PARP8: variants seen among roughly 807,000 people sequenced by gnomAD.
The protein encoded by PARP8 is protein mono-ADP-ribosyltransferase PARP8.
Under a neutral mutation model 124.1 loss-of-function variants are expected in PARP8, and 51 were observed. The observed-to-expected ratio is 0.41, with a 90% CI of 0.33 to 0.52. PARP8 has a LOEUF of 0.52. PARP8 is among the 20% of genes least tolerant of loss of function. The pLI, the probability that PARP8 is intolerant of heterozygous loss-of-function variation, is 0.21. For missense variants in PARP8, 860 were observed against 1,018.9 expected (o/e 0.84, Z 2.12); for synonymous variants, 391 against 361.5 (o/e 1.08, Z -0.93).
chr5:50,749,991 C>T (rs72753773), intron 2 of PARP8, among the ~76,000 whole-genome samples, 160 bp from the exon 3 acceptor site: 7,944 of 152,042 alleles, frequency 0.052, 299 homozygotes, highest in South Asian at 0.19. Context: ...TTTCTTATGG[C>T]GGATATAAAA....
At chr5:50,677,260 T>C (rs1024494701) in intron 2 of PARP8, among the ~76,000 whole-genome samples, 1 of 149,034 alleles carries the variant, frequency 6.7e-6, no homozygotes, top group Non-Finnish European at 1.5e-5. Context: ...TCCATGGATA[T>C]AAGCTGATGC....
intron 2 of PARP8, among the ~76,000 whole-genome samples, chr5:50,747,362 G>GTT (rs1758701102): frequency 6.6e-6 from 1 of 151,620 alleles, no homozygotes; most frequent in Non-Finnish European, 1.5e-5. Context: ...TGAGATTTGT[G>GTT]TTATAGCTCA....
intron 7 of PARP8, among the ~76,000 whole-genome samples, chr5:50,764,030 C>A (rs1760819777): frequency 6.6e-6 from 1 of 152,208 alleles, no homozygotes; most frequent in Non-Finnish European, 1.5e-5. Flanking sequence ...AGGAATGCGG[C>A]TCTTCAAATC....
intron 7 of PARP8, among the ~76,000 whole-genome samples, chr5:50,772,467 A>T (rs1262168044): frequency 6.6e-6 from 1 of 152,188 alleles, no homozygotes; most frequent in African/African-American, 2.4e-5. Context: ...CATTCCCACC[A>T]GCAGTGCAAA....
chr5:50,824,856 C>T (rs188619588), intron 17 of PARP8, 52 bp from the exon 18 acceptor site: 90 of 1,493,136 alleles, frequency 6.0e-5, no homozygotes, highest in African/African-American at 9.7e-5. Flanking sequence ...TTTGTGAAAA[C>T]GGAAAAATGA....
At chr5:50,777,755 C>G (rs1253637242) in intron 7 of PARP8, among the ~76,000 whole-genome samples, 1 of 152,142 alleles carries the variant, frequency 6.6e-6, no homozygotes, top group African/African-American at 2.4e-5. Context: ...GCTGTGAAAA[C>G]AAAGCAGTCA....
chr5:50,706,009 G>T (rs1754109980), intron 2 of PARP8, among the ~76,000 whole-genome samples: 1 of 152,108 alleles, frequency 6.6e-6, no homozygotes, highest in Non-Finnish European at 1.5e-5. Flanking sequence ...CTTGAGGGTA[G>T]GTTTTAAAAT....
At chr5:50,805,150 A>G (rs548547518) in intron 14 of PARP8, among the ~76,000 whole-genome samples, 3 of 152,274 alleles carry the variant, frequency 2.0e-5, no homozygotes, top group African/African-American at 4.8e-5. Context: ...TTTTTTGCTG[A>G]TATCATTCCT....
At chr5:50,731,213 A>G (rs1187124351) in intron 2 of PARP8, among the ~76,000 whole-genome samples, 10 of 152,064 alleles carry the variant, frequency 6.6e-5, no homozygotes, top group Admixed American at 6.6e-4. Context: ...CCAACCTAAC[A>G]CTCTGTGAAA....
chr5:50,773,910 A>G (rs1248146893), intron 7 of PARP8, among the ~76,000 whole-genome samples: 4 of 148,390 alleles, frequency 2.7e-5, no homozygotes, highest in Non-Finnish European at 5.9e-5. Context: ...GGGTCATAGG[A>G]TAATAATGGA....
chr5:50,770,336 T>G (rs745771985), intron 7 of PARP8, among the ~76,000 whole-genome samples: 8 of 152,210 alleles, frequency 5.3e-5, no homozygotes, highest in Non-Finnish European at 1.0e-4. Flanking sequence ...GAAACTTTAC[T>G]TGAACATCAT....
In PARP8 at chr5:50,668,122, G is replaced by A. The variant is rs1278564965; in HGVS notation, c.143G>A (p.Arg48Lys). Residue 48 changes from arginine (R) to lysine (K), a missense_variant, in exon 2 of 26, where the codon AGA (arginine) becomes AAA (lysine). By Grantham distance (26) the Arg-to-Lys change is conservative. Transcript: ENST00000281631. ...TFTFTYVGGP[R>K]SVSYSVHVSE... is the part of the protein sequence containing the mutation. ...ACTTTTACCTACGTTGGCGGCCCCA[G>A]AAGGTATTTATGTGTATAGAGTTGC... 1 of 1,609,372 alleles carries A rather than the reference G, an allele frequency of 6.2e-7. No homozygotes were observed. Among genetic ancestry groups the A allele is most frequent in the Non-Finnish European group, 8.5e-7 (1 of 1,177,880 alleles).
chr5:50,757,383 C>T (rs1760082896), intron 3 of PARP8, among the ~76,000 whole-genome samples: 2 of 152,056 alleles, frequency 1.3e-5, no homozygotes, highest in South Asian at 4.1e-4. Context: ...AATAATTGAA[C>T]CAGTTTTCTA....
intron 2 of PARP8, among the ~76,000 whole-genome samples, chr5:50,747,938 A>T (rs74861011): frequency 6.6e-6 from 1 of 151,214 alleles, no homozygotes; most frequent in African/African-American, 2.4e-5. Flanking sequence ...GCGCCCGGCT[A>T]ATTTTTTTTG....
At chr5:50,824,616 G>C (rs1016593356) in intron 17 of PARP8, among the ~76,000 whole-genome samples, 7 of 152,128 alleles carry the variant, frequency 4.6e-5, no homozygotes, top group Non-Finnish European at 1.0e-4. Context: ...TCAACAGGGG[G>C]CTGGAGAGTG....
At chr5:50,761,942 A>C in intron 6 of PARP8, 44 bp downstream of exon 6, 1 of 1,286,878 alleles carries the variant, frequency 7.8e-7, no homozygotes, top group Non-Finnish European at 1.1e-6. Context: ...TAAAGTTCTA[A>C]TAGCCATGTT....
intron 7 of PARP8, among the ~76,000 whole-genome samples, chr5:50,765,122 A>G (rs1191773740): frequency 6.6e-6 from 1 of 151,982 alleles, no homozygotes; most frequent in Non-Finnish European, 1.5e-5. Flanking sequence ...TTAGCCGGGC[A>G]TGGTGACAGG....
chr5:50,726,037 TG>T (rs1288733577), intron 2 of PARP8, among the ~76,000 whole-genome samples: 1 of 152,212 alleles, frequency 6.6e-6, no homozygotes, highest in Non-Finnish European at 1.5e-5. Context: ...TTTTGAAAGC[TG>T]ACAACTTGAT....
At chr5:50,753,058 G>C (rs1759435182) in intron 3 of PARP8, among the ~76,000 whole-genome samples, 1 of 151,970 alleles carries the variant, frequency 6.6e-6, no homozygotes, top group Non-Finnish European at 1.5e-5. Flanking sequence ...GACTGTTCAT[G>C]ATTAAGTGAA....
Sources: allele counts gnomAD v4.1 joint callset (sites outside exome capture counted in the v4.1 genomes callset), GRCh38; gene constraint gnomAD v4.1.1; transcripts MANE v1.5; gene names NCBI Gene and HGNC (gene_info 2026-07-23, HGNC 2026-07-21).